The following SCLT1 variants were observed in gnomAD, a reference collection of about 807,000 sequenced individuals.
The protein encoded by SCLT1 is sodium channel-associated protein 1.
SCLT1 carries 78 observed loss-of-function variants against 112.8 expected under a neutral mutation model. The observed-to-expected ratio is 0.69, with a 90% CI of 0.58 to 0.83. The LOEUF (loss-of-function observed/expected upper bound fraction) is 0.83, where lower values mean the gene tolerates loss of function less well. Among genes scored for constraint, SCLT1 ranks in the 40% least tolerant of loss-of-function variants. The probability of loss-of-function intolerance (pLI) is 0.00; values close to 1 mark genes in which losing one functional copy is unlikely to be tolerated. For synonymous variants in SCLT1, 257 were observed against 254.7 expected (o/e 1.01, Z -0.09); for missense variants, 747 against 770.4 (o/e 0.97, Z 0.36).
chr4:128,890,196 T>A (rs1476970594), intron 19 of SCLT1, among the ~76,000 whole-genome samples: 1 of 152,178 alleles, frequency 6.6e-6, no homozygotes, highest in African/African-American at 2.4e-5. Flanking sequence ...GCTACCATAA[T>A]GGTTGAGGAA....
intron 15 of SCLT1, 120 bp downstream of exon 15, chr4:128,948,372 AAAAC>A: frequency 2.6e-6 from 3 of 1,174,584 alleles, no homozygotes; most frequent in African/African-American, 1.6e-5. Context: ...AAAGAAAAGA[AAAAC>A]TTACCAGGAC....
chr4:129,046,559 C>A (rs1336544032), intron 2 of SCLT1, among the ~76,000 whole-genome samples: 1 of 152,026 alleles, frequency 6.6e-6, no homozygotes, highest in Non-Finnish European at 1.5e-5. Context: ...AAGTATGCCA[C>A]AATATATTTA....
At chr4:128,995,407 C>T (rs1261276650) in intron 8 of SCLT1, among the ~76,000 whole-genome samples, 10 of 151,912 alleles carry the variant, frequency 6.6e-5, no homozygotes, top group Non-Finnish European at 1.3e-4. Context: ...TTTTTAATTC[C>T]CTATCAGGTA....
At chr4:129,068,610 T>G (rs1474286564) in intron 2 of SCLT1, among the ~76,000 whole-genome samples, 3 of 152,228 alleles carry the variant, frequency 2.0e-5, no homozygotes, top group Non-Finnish European at 2.9e-5. Flanking sequence ...GCCTACTTTT[T>G]GATGGGATTA....
chr4:128,903,605 G>A (rs1016329458), intron 18 of SCLT1, among the ~76,000 whole-genome samples: 3 of 152,078 alleles, frequency 2.0e-5, no homozygotes, highest in Admixed American at 1.3e-4. Context: ...CAAAGAAATT[G>A]AAGTGGCTAA....
chr4:128,977,886 G>A (rs1218409756), intron 9 of SCLT1, among the ~76,000 whole-genome samples: 1 of 152,134 alleles, frequency 6.6e-6, no homozygotes. Flanking sequence ...ATATTGTGTG[G>A]AGAATGAATT....
chr4:128,922,449 C>G (rs1423913824), intron 18 of SCLT1, among the ~76,000 whole-genome samples: 1 of 151,844 alleles, frequency 6.6e-6, no homozygotes, highest in Non-Finnish European at 1.5e-5. Flanking sequence ...GTATATATAC[C>G]CCAAGGAATA....
Position 128,946,124 on chromosome 4 carries a change from C to A in SCLT1, c.1322G>T (p.Ser441Ile). The change falls in exon 16 of 21, where the codon AGT becomes ATT. Residue 441 changes from serine to isoleucine, a missense_variant. This residue lies in a region of SCLT1 where 723 missense variants were observed against 721.3 expected (regional missense o/e 1.00). Transcript: ENST00000281142. ...KIYREGRGNE[S>I]DYRKLEEMHQ... is the part of the protein sequence containing the mutation. ...CATTTCTTCCAGTTTTCTGTAATCA[C>A]TCTCATTTCCTCTGCCTTCACGGTA... 1 of 1,607,732 alleles carries A rather than the reference C, an allele frequency of 6.2e-7. No homozygotes were observed. Among genetic ancestry groups the A allele is most frequent in the Non-Finnish European group, 8.5e-7 (1 of 1,174,674 alleles).
At chr4:128,937,711 T>G (rs562447112) in intron 17 of SCLT1, among the ~76,000 whole-genome samples, 1 of 152,236 alleles carries the variant, frequency 6.6e-6, no homozygotes, top group Non-Finnish European at 1.5e-5. Flanking sequence ...AACAATGATT[T>G]TGAAAATCTC....
chr4:129,003,712 T>A (rs1188343848), intron 6 of SCLT1, 29 bp downstream of exon 6: 5 of 1,540,688 alleles, frequency 3.2e-6, no homozygotes, highest in Non-Finnish European at 4.4e-6. Context: ...TAATTCAGAA[T>A]ATAATTTTTA....
intron 15 of SCLT1, 121 bp from the exon 16 acceptor site, chr4:128,946,273 C>A: frequency 1.8e-6 from 1 of 549,830 alleles, no homozygotes; most frequent in Non-Finnish European, 3.1e-6. Context: ...TTGTTCTGAC[C>A]GTAACATATG....
In SCLT1 at chr4:128,901,067, C is replaced by T. The variant is rs1345847585; in HGVS notation, c.1830-9930G>A. 4.0e-5 allele frequency among the ~76,000 whole-genome samples: 6 copies of T among 151,840 alleles called. No individual in the cohort carries two copies. In the East Asian group the frequency reaches 9.7e-4, roughly 24 times the overall value. ...GTGGAGAAATAGGTACACTTTTACA[C>T]CATTGGGACTGTTAACTAGTTCAAC... On this transcript the variant is annotated intron_variant, in intron 18 of 20. Transcript: ENST00000281142.
intron 9 of SCLT1, among the ~76,000 whole-genome samples, chr4:128,979,796 A>G (rs1266837787): frequency 1.3e-5 from 2 of 152,150 alleles, no homozygotes. Context: ...TAGAGGCAAA[A>G]GTTCTGAACA....
chr4:128,897,395 A>G (rs1240023619), intron 18 of SCLT1, among the ~76,000 whole-genome samples: 1 of 151,894 alleles, frequency 6.6e-6, no homozygotes, highest in Non-Finnish European at 1.5e-5. Context: ...AAGAATTTTC[A>G]ACCCAGAATT....
At chr4:128,940,504 AT>A (rs1264001617) in intron 17 of SCLT1, among the ~76,000 whole-genome samples, 2 of 151,998 alleles carry the variant, frequency 1.3e-5, no homozygotes, top group African/African-American at 4.8e-5. Flanking sequence ...ATACACATAA[AT>A]TTTTCAATCA....
At chr4:128,948,255 G>A (rs1738358285) in intron 15 of SCLT1, among the ~76,000 whole-genome samples, 1 of 142,248 alleles carries the variant, frequency 7.0e-6, no homozygotes, top group South Asian at 2.3e-4. Context: ...AGACTTGCCT[G>A]AACCCGGGAG....
Position 129,080,342 on chromosome 4 carries a change from T to A in SCLT1, c.102+1964A>T, listed in dbSNP as rs116146836. Among the ~76,000 whole-genome samples the A allele has an allele frequency of 9.6e-3, 1,457 of 152,320 alleles. 18 individuals are homozygous for A. Among genetic ancestry groups the A allele is most frequent in the African/African-American group, 0.028 (1,168 of 41,558 alleles). On this transcript the variant is annotated intron_variant, in intron 2 of 20. Transcript: ENST00000281142. ...AAGTTCCAGTTTCAGACCATCTCTT[T>A]GCAAACACATATGAACTTACACTGT...
At chr4:128,928,701 G>A (rs1486521809) in intron 18 of SCLT1, among the ~76,000 whole-genome samples, 2 of 152,028 alleles carry the variant, frequency 1.3e-5, no homozygotes, top group Non-Finnish European at 2.9e-5. Flanking sequence ...GCGTGGTGGT[G>A]CATGCCTGTA....
At chr4:128,899,356 C>A (rs1043250922) in intron 18 of SCLT1, among the ~76,000 whole-genome samples, 7 of 152,212 alleles carry the variant, frequency 4.6e-5, no homozygotes, top group South Asian at 4.2e-4. Context: ...CCTGGGATGC[C>A]AGGCTGGTTC....
Sources: gnomAD v4.1 joint callset for allele counts (sites outside exome capture counted in the v4.1 genomes callset) on GRCh38, gnomAD v4.1.1 for gene constraint, gnomAD v4.1.1 regional missense constraint, MANE v1.5 for transcripts, NCBI Gene and HGNC (gene_info 2026-07-23, HGNC 2026-07-21) for gene names.